DYNC2H1: variants seen among roughly 807,000 people sequenced by gnomAD.
DYNC2H1 encodes cytoplasmic dynein 2 heavy chain 1.
In DYNC2H1, 410 loss-of-function variants were observed where a neutral mutation model predicts 570.0. That is an observed-to-expected ratio of 0.72 (90% CI 0.66 to 0.78). The LOEUF (loss-of-function observed/expected upper bound fraction) is 0.78, where lower values mean the gene tolerates loss of function less well. Among genes scored for constraint, DYNC2H1 ranks in the 30% least tolerant of loss-of-function variants. The pLI is 0.00. For missense variants in DYNC2H1, 4,865 were observed against 5,046.4 expected, an observed-to-expected ratio of 0.96 and a Z score of 1.09; for synonymous variants, 1,688 against 1,677.6, an observed-to-expected ratio of 1.01 and a Z score of -0.15.
rs532861391 is a variant in DYNC2H1, at chr11:103,280,007, A to G, written c.10696-341A>G. 7.8e-4 allele frequency among the ~76,000 whole-genome samples: 119 copies of G among 152,312 alleles called. No homozygotes were observed. The highest frequency in any genetic ancestry group is 1.4e-3 in the South Asian group (7 of 4,832). The stretch of plus-strand genomic sequence containing the variant: ...GTGACAAACTGAAGATTGCTAATGC[A>G]TGGAGTGGATTTGGTGGATGATGAC... On this transcript the variant is annotated intron_variant, in intron 70 of 88. Transcript: ENST00000375735. This position sits in a 1 kb window ranked among gnomAD's most constrained non-coding sequence, Gnocchi z 4.7.
At chr11:103,294,025 G>C (rs1246360362) in intron 75 of DYNC2H1, among the ~76,000 whole-genome samples, 1 of 152,062 alleles carries the variant, frequency 6.6e-6, no homozygotes, top group Non-Finnish European at 1.5e-5. Context: ...GTTGCACTGA[G>C]CCGAGATTAC....
intron 83 of DYNC2H1, among the ~76,000 whole-genome samples, chr11:103,390,599 G>T (rs1292184059): frequency 6.6e-6 from 1 of 152,104 alleles, no homozygotes; most frequent in African/African-American, 2.4e-5. Flanking sequence ...GCCTTGATGG[G>T]CTTTACAATT....
At position 103,239,642 on chromosome 11, in the gene DYNC2H1, A is replaced by AGTGTGT. The variant is rs140380392; in HGVS notation, c.9819+3134_9819+3139dup. 0.015 allele frequency among the ~76,000 whole-genome samples: 2,095 copies of AGTGTGT among 140,080 alleles called. 36 individuals are homozygous for AGTGTGT. The highest frequency in any genetic ancestry group is 0.045 in the African/African-American group (1,690 of 37,870). 91.9% of individuals were successfully genotyped at this position (140,080 alleles called of 152,430 possible). On this transcript the variant is annotated intron_variant, in intron 63 of 88. Transcript: ENST00000375735. This position sits in a 1 kb window ranked among gnomAD's most constrained non-coding sequence, Gnocchi z 4.3. ...CTCCTGTCTATACACTTCTCATAGG[A>AGTGTGT]GTGTGTGTGTGTGTGTGTGTGTGTG...
At chr11:103,155,759 G>A (rs1381011302) in intron 25 of DYNC2H1, among the ~76,000 whole-genome samples, 1 of 152,100 alleles carries the variant, frequency 6.6e-6, no homozygotes. Flanking sequence ...AAGCTCTCAG[G>A]TAAAAGTAAA....
rs190074162 is a variant in DYNC2H1 at position 103,256,374 on chromosome 11, C to T, written c.10461+134C>T. The T allele has an allele frequency of 5.4e-4, 477 of 890,902 alleles. No homozygotes were observed. Among genetic ancestry groups the T allele is most frequent in the Non-Finnish European group, 5.7e-4 (346 of 607,970 alleles). The allele number at this position is 890,902 out of a possible 1,614,324, so 55.2% of individuals were successfully genotyped here. The stretch of plus-strand genomic sequence containing the variant: ...AAAAAGCTATTCAAAAACATCAGAA[C>T]ATTGGGTTTGATTCTAGTTATTGTA... On this transcript the variant is annotated intron_variant, in intron 68 of 88. Coordinates refer to ENST00000375735, the MANE Select transcript of DYNC2H1 (RefSeq NM_001377.3). The surrounding 1 kb of genome is among the most constrained non-coding windows in gnomAD (Gnocchi z 4.0).
rs946049320 is a variant in DYNC2H1, at chr11:103,239,953, T to C, written c.9819+3414T>C. Reference sequence around the variant, plus strand: ...TTTTTGAACTCTTGACCTACAGTTCTAACTACCTGTTAGATATTTTTACCC... The same window carrying C: ...TTTTTGAACTCTTGACCTACAGTTCCAACTACCTGTTAGATATTTTTACCC... On this transcript the variant is annotated intron_variant, in intron 63 of 88. Transcript: ENST00000375735. This position sits in a 1 kb window ranked among gnomAD's most constrained non-coding sequence, Gnocchi z 4.3. Among the ~76,000 whole-genome samples the C allele has an allele frequency of 1.3e-5, 2 of 152,150 alleles. No homozygotes were observed. Among genetic ancestry groups the C allele is most frequent in the African/African-American group, 4.8e-5 (2 of 41,440 alleles).
rs1177201685 is a variant in DYNC2H1 at position 103,217,215 on chromosome 11, C to CTT, written c.8832+1369_8832+1370dup. On this transcript the variant is annotated intron_variant, in intron 55 of 88. Coordinates refer to ENST00000375735, the MANE Select transcript of DYNC2H1 (RefSeq NM_001377.3). ...AACAAAGTTATGGGAGTTAGGATTT[C>CTT]TTTTTTTTTTTTTGAGACGGAGTCT... Among the ~76,000 whole-genome samples the CTT allele has an allele frequency of 1.1e-4, 2 of 18,926 alleles. 1 individual carries two copies. Among genetic ancestry groups the CTT allele is most frequent in the Admixed American group, 1.2e-3 (2 of 1,724 alleles). 12.4% of individuals were successfully genotyped at this position (18,926 alleles called of 152,430 possible).
chr11:103,191,639 A>G lies in DYNC2H1; in HGVS notation c.7540+20A>G, dbSNP rs535988847. ...AAGGAGGTGAGTTTTGCTAGTGTGT[A>G]TCTTGTGTGTGTGTGTGTGTGTGCA... On this transcript the variant is annotated intron_variant, in intron 46 of 88. Transcript: ENST00000375735. The G allele has an allele frequency of 5.3e-4, 781 of 1,473,950 alleles. 2 individuals are homozygous for G. The highest frequency in any genetic ancestry group is 8.7e-4 in the Middle Eastern group (5 of 5,758). 91.3% of individuals were successfully genotyped at this position (1,473,950 alleles called of 1,614,324 possible). A position where few individuals can be genotyped will look rare whatever the true frequency, so the allele number is the denominator to read the frequency against.
At position 103,280,407 on chromosome 11, in the gene DYNC2H1, A is replaced by C. The variant is rs1866084518; in HGVS notation, c.10755A>C (p.Gln3585His). The C allele has an allele frequency of 1.1e-5, 17 of 1,553,326 alleles. No homozygotes were observed. Among genetic ancestry groups the C allele is most frequent in the Non-Finnish European group, 1.5e-5 (17 of 1,147,336 alleles). ...GAGGCATGCATCCTGAACTTTTTCA[A>C]GAAAATGTAAGTCAAATTAAAGGAG... ...FVRGMHPELFQENEWDTFTGV... is the reference protein window; with the variant it reads ...FVRGMHPELFHENEWDTFTGV... Residue 3585 changes from glutamine (Q) to histidine (H), a missense_variant, in exon 71 of 89, where the codon CAA becomes CAC. Coordinates refer to ENST00000375735, the MANE Select transcript of DYNC2H1 (RefSeq NM_001377.3). The surrounding 1 kb of genome is among the most constrained non-coding windows in gnomAD (Gnocchi z 4.7).
intron 83 of DYNC2H1, among the ~76,000 whole-genome samples, chr11:103,373,694 G>A (rs183189068): frequency 1.9e-4 from 29 of 152,264 alleles, no homozygotes; most frequent in African/African-American, 6.7e-4. Flanking sequence ...ATAAATGTCT[G>A]TTAGGTCCAC....
At chr11:103,458,336 G>A (rs1424082767) in intron 87 of DYNC2H1, among the ~76,000 whole-genome samples, 5 of 152,058 alleles carry the variant, frequency 3.3e-5, no homozygotes, top group Non-Finnish European at 7.4e-5. Flanking sequence ...TATGTAGTAG[G>A]CTATACCATC....
Position 103,280,216 on chromosome 11 carries a change from T to C in DYNC2H1, c.10696-132T>C. On this transcript the variant is annotated intron_variant, in intron 70 of 88. Coordinates refer to ENST00000375735, the MANE Select transcript of DYNC2H1 (RefSeq NM_001377.3). This position sits in a 1 kb window ranked among gnomAD's most constrained non-coding sequence, Gnocchi z 4.7. ...ATGTAGAAAGCAATCTGAATAGTAA[T>C]TTCTTACATCGATAAAAAAGTAGGT... 3 of 842,076 alleles carry C rather than the reference T, an allele frequency of 3.6e-6. No individual in the cohort carries two copies. The highest frequency in any genetic ancestry group is 5.6e-6 in the Non-Finnish European group (3 of 536,160). The allele number at this position is 842,076 out of a possible 1,614,324, so 52.2% of individuals were successfully genotyped here. A position where few individuals can be genotyped will look rare whatever the true frequency, so the allele number is the denominator to read the frequency against.
At chr11:103,466,730 A>T (rs370970568) in intron 87 of DYNC2H1, among the ~76,000 whole-genome samples, 9 of 152,192 alleles carry the variant, frequency 5.9e-5, no homozygotes, top group African/African-American at 2.2e-4. Flanking sequence ...TGCTCATCAG[A>T]TTGACAGAAT....
Position 103,286,189 on chromosome 11 carries a change from T to A in DYNC2H1, c.10891-66T>A, listed in dbSNP as rs939641369. On this transcript the variant is annotated intron_variant, in intron 73 of 88. Coordinates refer to ENST00000375735, the MANE Select transcript of DYNC2H1 (RefSeq NM_001377.3). Reference sequence around the variant, plus strand: ...AATTGGTTCTCACTTTTAGTTTTTTTAAAAATAAATGTATGTGCTTATATT... The same window carrying A: ...AATTGGTTCTCACTTTTAGTTTTTTAAAAAATAAATGTATGTGCTTATATT... The A allele has an allele frequency of 3.1e-5, 49 of 1,572,064 alleles. No homozygotes were observed. The East Asian group carries it at 6.5e-4, about 21-fold the overall frequency.
chr11:103,269,223 GA>G lies in DYNC2H1; in HGVS notation c.10695+9250del, dbSNP rs1187862462. 2.0e-5 allele frequency among the ~76,000 whole-genome samples: 3 copies of G among 152,138 alleles called. No homozygotes were observed. In the East Asian group the frequency reaches 5.8e-4, roughly 29 times the overall value. On this transcript the variant is annotated intron_variant, in intron 70 of 88. Transcript: ENST00000375735. ...AATTGATGATGGAATATCTGTTTTG[GA>G]AAATTCATATTTCTGTTTGAGTAAT...
At chr11:103,118,795 G>T (rs953185458) in intron 6 of DYNC2H1, among the ~76,000 whole-genome samples, 4 of 152,044 alleles carry the variant, frequency 2.6e-5, no homozygotes. Flanking sequence ...ATGCCATATG[G>T]CATTTCTCAC....
chr11:103,439,590 G>C lies in DYNC2H1; in HGVS notation c.12456+3558G>C, dbSNP rs925800347. On this transcript the variant is annotated intron_variant, in intron 85 of 88. Coordinates refer to ENST00000375735, the MANE Select transcript of DYNC2H1 (RefSeq NM_001377.3). The surrounding 1 kb of genome is among the most constrained non-coding windows in gnomAD (Gnocchi z 4.1). ...GGAGAGAGTCTTAGTCTACTTTGTG[G>C]CAAAAGGTTTAAGACTCCTCTGAAT... Among the ~76,000 whole-genome samples the C allele has an allele frequency of 6.6e-6, 1 of 151,970 alleles. No individual in the cohort carries two copies. Among genetic ancestry groups the C allele is most frequent in the Admixed American group, 6.6e-5 (1 of 15,246 alleles).
At position 103,243,899 on chromosome 11, in the gene DYNC2H1, A is replaced by G. The variant is rs1283702604; in HGVS notation, c.9918+108A>G. The G allele has an allele frequency of 8.3e-6, 6 of 723,238 alleles. No homozygotes were observed. Among genetic ancestry groups the G allele is most frequent in the Non-Finnish European group, 1.3e-5 (6 of 466,300 alleles). The allele number at this position is 723,238 out of a possible 1,614,324, so 44.8% of individuals were successfully genotyped here. On this transcript the variant is annotated intron_variant, in intron 64 of 88. Transcript: ENST00000375735. The surrounding 1 kb of genome is among the most constrained non-coding windows in gnomAD (Gnocchi z 4.8). ...TAGATTCAACACTGGGTCCTACTGT[A>G]TGGGACCTTGGGCGAGAGATATAAC... is the stretch of plus-strand genomic sequence containing the variant.
At chr11:103,431,669 C>T (rs563452832) in intron 84 of DYNC2H1, among the ~76,000 whole-genome samples, 6 of 152,060 alleles carry the variant, frequency 3.9e-5, no homozygotes, top group Non-Finnish European at 1.5e-5. Flanking sequence ...TTGGTTTATT[C>T]CTGTAACATA....
Sources: allele counts gnomAD v4.1 joint callset (sites outside exome capture counted in the v4.1 genomes callset), GRCh38; gene constraint gnomAD v4.1.1; non-coding constraint Gnocchi (gnomAD v3.1); transcripts MANE v1.5; gene names NCBI Gene and HGNC (gene_info 2026-07-23, HGNC 2026-07-21).